The following SSPN variants were observed in gnomAD, a reference collection of about 807,000 sequenced individuals.
SSPN encodes K-ras oncogene-associated protein.
A neutral mutation model predicts 19.1 loss-of-function variants in SSPN; 15 were observed. That is an observed-to-expected ratio of 0.78 (90% CI 0.52 to 1.21). The LOEUF is 1.21. Among genes scored for constraint, SSPN ranks in the 50% most tolerant of loss-of-function variants. The probability of loss-of-function intolerance (pLI) is 0.00; values close to 1 mark genes in which losing one functional copy is unlikely to be tolerated. For synonymous variants in SSPN, 147 were observed against 140.3 expected (o/e 1.05, Z -0.34); for missense variants, 291 against 314.0 (o/e 0.93, Z 0.55).
intron 1 of SSPN, among the ~76,000 whole-genome samples, chr12:26,150,677 G>A (rs539545711): frequency 1.2e-4 from 18 of 152,286 alleles, no homozygotes; most frequent in African/African-American, 4.1e-4. Context: ...GGAAACCTTT[G>A]AGACCCCACA....
rs1332072858 is a variant in SSPN at position 26,195,716 on chromosome 12, G to A, written c.44G>A (p.Gly15Asp). The change falls in exon 1 of 3, where the codon GGC becomes GAC. Residue 15 changes from glycine (G) to aspartate (D), a missense_variant. By Grantham distance (94) the Gly-to-Asp change is moderately conservative. Around this residue, in one of 3 missense-constraint regions of SSPN, gnomAD observed 139 missense variants for 119.6 expected, o/e 1.16. Coordinates refer to ENST00000242729, the MANE Select transcript of SSPN (RefSeq NM_005086.5). ...CCACGCGGCCAGCAGAGGCAGGGGG[G>A]CCCGCCGGCCGCGGACGCCGCTGGG... Reference protein sequence around the residue: ...KQPRGQQRQGGPPAADAAGPD... With the variant: ...KQPRGQQRQGDPPAADAAGPD... 1.4e-6 allele frequency: 2 copies of A among 1,440,086 alleles called. No individual in the cohort carries two copies. The highest frequency in any genetic ancestry group is 3.0e-5 in the East Asian group (1 of 33,354). 89.2% of individuals were successfully genotyped at this position (1,440,086 alleles called of 1,614,324 possible).
At position 26,195,744 on chromosome 12, in the gene SSPN, C is replaced by G. The variant is rs939353391; in HGVS notation, c.72C>G (p.Pro24=). ...GGPPAADAAG[P]DDMEPKKGTG... ...CGCCGGCCGCGGACGCCGCTGGGCC[C>G]GACGACATGGAGCCGAAGAAGGGCA... is the stretch of plus-strand genomic sequence containing the variant. The change falls in exon 1 of 3, where the codon CCC becomes CCG. Residue 24 remains proline, a synonymous_variant. Transcript: ENST00000242729. 6.8e-7 allele frequency: 1 copy of G among 1,480,764 alleles called. No homozygotes were observed. The highest frequency in any genetic ancestry group is 2.9e-5 in the East Asian group (1 of 34,534). The allele number at this position is 1,480,764 out of a possible 1,614,324, so 91.7% of individuals were successfully genotyped here.
intron 1 of SSPN, among the ~76,000 whole-genome samples, chr12:26,147,741 T>C (rs1169650995): frequency 1.3e-5 from 2 of 152,224 alleles, no homozygotes; most frequent in African/African-American, 2.4e-5. Flanking sequence ...AGGGAGCAAG[T>C]GCTTGCTTTT....
chr12:26,122,833 C>A (rs779148522), intron 1 of SSPN: 3 of 1,582,258 alleles, frequency 1.9e-6, no homozygotes, highest in Non-Finnish European at 2.6e-6. Flanking sequence ...GCGAGCTCGG[C>A]GCTGGGCTGA....
intron 1 of SSPN, among the ~76,000 whole-genome samples, chr12:26,188,201 T>C (rs775875583): frequency 1.2e-4 from 18 of 152,178 alleles, no homozygotes; most frequent in Non-Finnish European, 1.5e-5. Flanking sequence ...AGAGCTGAGA[T>C]TGGGACTCAG....
chr12:26,169,934 G>T (rs1197762875), intron 1 of SSPN, among the ~76,000 whole-genome samples: 2 of 152,154 alleles, frequency 1.3e-5, no homozygotes, highest in East Asian at 3.8e-4. Flanking sequence ...TGAGCAACTG[G>T]TTCCTCCTCC....
intron 1 of SSPN, chr12:26,122,818 C>A: frequency 6.3e-7 from 1 of 1,588,626 alleles, no homozygotes; most frequent in East Asian, 2.3e-5. Flanking sequence ...GTGTCGTTCT[C>A]GGCGGCGAGC....
intron 1 of SSPN, among the ~76,000 whole-genome samples, chr12:26,150,236 T>C (rs2137414703): frequency 6.6e-6 from 1 of 152,262 alleles, no homozygotes; most frequent in Non-Finnish European, 1.5e-5. Context: ...TTATTTTGCC[T>C]CCCAGGTCTC....
rs1944613309 is a variant in SSPN at position 26,165,235 on chromosome 12, G to T, written c.-31+43083G>T. ...TGATATGAGCCACATGCAAGGCTCG[G>T]GTCTCAAATTCCGTCTATACAGAGC... On this transcript the variant is annotated intron_variant, in intron 1 of 2. Coordinates refer to the SSPN transcript ENST00000538142. Among the ~76,000 whole-genome samples, 2 of 152,098 alleles carry T rather than the reference G, an allele frequency of 1.3e-5. 1 individual carries two copies. Among genetic ancestry groups the T allele is most frequent in the South Asian group, 4.1e-4 (2 of 4,822 alleles).
intron 1 of SSPN, among the ~76,000 whole-genome samples, chr12:26,156,144 T>G (rs1944554629): frequency 2.0e-5 from 3 of 152,310 alleles, no homozygotes; most frequent in Admixed American, 1.3e-4. Flanking sequence ...CTTATGTGAT[T>G]AAGATGCACA....
At chr12:26,228,632 T>C (rs1294382532) in intron 2 of SSPN, among the ~76,000 whole-genome samples, 1 of 148,256 alleles carries the variant, frequency 6.7e-6, no homozygotes, top group African/African-American at 2.4e-5. Context: ...CTGGCTGTAC[T>C]GGGAATACAG....
chr12:26,158,392 G>T (rs183634196), intron 1 of SSPN, among the ~76,000 whole-genome samples: 4 of 151,858 alleles, frequency 2.6e-5, no homozygotes, highest in African/African-American at 9.7e-5. Flanking sequence ...ATATGTCAGC[G>T]TAGGGGCCTA....
rs755902755 is a variant in SSPN at position 26,124,198 on chromosome 12, T to C, written c.-31+2046T>C. 5.3e-6 allele frequency: 8 copies of C among 1,495,990 alleles called. No homozygotes were observed. The East Asian group carries it at 9.0e-5, about 17-fold the overall frequency. The allele number at this position is 1,495,990 out of a possible 1,614,324, so 92.7% of individuals were successfully genotyped here. On this transcript the variant is annotated intron_variant, in intron 1 of 2. Transcript: ENST00000538142. Reference sequence around the variant, plus strand: ...AGGTATCCTTAATATATGAGAGTCATGGAAAAGAGAAAACAGTAAGCGAAA... The same window carrying C: ...AGGTATCCTTAATATATGAGAGTCACGGAAAAGAGAAAACAGTAAGCGAAA...
At chr12:26,165,724 A>G (rs1042653994) in intron 1 of SSPN, among the ~76,000 whole-genome samples, 3 of 152,232 alleles carry the variant, frequency 2.0e-5, no homozygotes. Flanking sequence ...ACAGTCCACA[A>G]AAGGAAATCA....
chr12:26,233,355 T>TATATATATATATATATAC lies in SSPN; in HGVS notation c.*2280_*2281insTATATATATATATATACA, dbSNP rs766583720. The TATATATATATATATATAC allele has an allele frequency of 4.3e-4, 63 of 146,600 alleles. 2 individuals carry two copies. Among genetic ancestry groups the TATATATATATATATATAC allele is most frequent in the African/African-American group, 1.5e-3 (58 of 37,970 alleles). 9.1% of individuals were successfully genotyped at this position (146,600 alleles called of 1,614,324 possible). A position where few individuals can be genotyped will look rare whatever the true frequency, so the allele number is the denominator to read the frequency against. ...AGATATATATATATATATATACACA[T>TATATATATATATATATAC]ACACACACACACACACATATATACT... On this transcript the variant is annotated 3_prime_UTR_variant, in exon 3 of 3. Transcript: ENST00000242729. This position sits in a 1 kb window ranked among gnomAD's most constrained non-coding sequence, Gnocchi z 4.3.
At chr12:26,223,978 T>G (rs1945150221) in intron 1 of SSPN, among the ~76,000 whole-genome samples, 1 of 152,244 alleles carries the variant, frequency 6.6e-6, no homozygotes, top group African/African-American at 2.4e-5. Flanking sequence ...TGCATTCATT[T>G]TGGCTTTCAC....
intron 1 of SSPN, chr12:26,122,865 C>G (rs1565664864): frequency 6.4e-7 from 1 of 1,563,370 alleles, no homozygotes; most frequent in South Asian, 1.2e-5. Context: ...GACGGGCACG[C>G]AGTAGGCGAG....
chr12:26,151,237 T>C (rs1022556898), intron 1 of SSPN, among the ~76,000 whole-genome samples: 5 of 152,206 alleles, frequency 3.3e-5, no homozygotes, highest in African/African-American at 1.2e-4. Flanking sequence ...AGATCAGCTT[T>C]TGTTAAAATA....
At chr12:26,185,186 G>T (rs1392130637) in intron 1 of SSPN, among the ~76,000 whole-genome samples, 1 of 152,180 alleles carries the variant, frequency 6.6e-6, no homozygotes, top group Non-Finnish European at 1.5e-5. Flanking sequence ...AGTATGGGCT[G>T]CCTGTATAGC....
Sources: gnomAD v4.1 joint callset for allele counts (sites outside exome capture counted in the v4.1 genomes callset) on GRCh38, gnomAD v4.1.1 for gene constraint, gnomAD v4.1.1 regional missense constraint, Gnocchi (gnomAD v3.1) non-coding constraint, MANE v1.5 for transcripts, NCBI Gene and HGNC (gene_info 2026-07-23, HGNC 2026-07-21) for gene names.